Variants in KLHL14 observed in about 807,000 individuals in gnomAD.
KLHL14 encodes the protein kelch like family member 14, also known as kelch-like protein 14.
Under a neutral mutation model 64.3 loss-of-function variants are expected in KLHL14, and 22 were observed. The ratio of observed to expected loss-of-function variants is 0.34; its 90% CI spans 0.24 to 0.49. The LOEUF (loss-of-function observed/expected upper bound fraction) is 0.49, where lower values mean the gene tolerates loss of function less well. Ranked by LOEUF, KLHL14 falls within the 20% of genes least tolerant of loss-of-function variation. The pLI is 0.99. For synonymous variants in KLHL14, 322 were observed against 333.4 expected (o/e 0.97, Z 0.37); for missense variants, 661 against 789.0 (o/e 0.84, Z 1.94).
intron 2 of KLHL14, among the ~76,000 whole-genome samples, chr18:32,766,389 T>C (rs1359573489): frequency 1.3e-5 from 2 of 152,068 alleles, no homozygotes; most frequent in Non-Finnish European, 2.9e-5. Context: ...TTTATGAAAC[T>C]AAATTTTCAT....
chr18:32,730,045 C>G (rs566267750), intron 3 of KLHL14, among the ~76,000 whole-genome samples: 15 of 152,302 alleles, frequency 9.8e-5, no homozygotes, highest in African/African-American at 3.1e-4. Flanking sequence ...ATCTTAAAGT[C>G]ATGTATATCA....
chr18:32,768,059 T>C (rs2050355826), intron 2 of KLHL14, among the ~76,000 whole-genome samples: 1 of 152,226 alleles, frequency 6.6e-6, no homozygotes, highest in African/African-American at 2.4e-5. Flanking sequence ...GAGTTTGCCA[T>C]TTGGATCTTT....
chr18:32,699,682 G>C (rs2049954529), intron 3 of KLHL14, among the ~76,000 whole-genome samples: 1 of 152,098 alleles, frequency 6.6e-6, no homozygotes, highest in Non-Finnish European at 1.5e-5. Context: ...GAGTTCCTGA[G>C]TGTTCAGTGA....
rs1274772143 is a variant in KLHL14, at chr18:32,683,312, A to G, written c.1239-2713T>C. Among the ~76,000 whole-genome samples, 1 of 152,172 alleles carries G rather than the reference A, an allele frequency of 6.6e-6. No individual in the cohort carries two copies. Among genetic ancestry groups the G allele is most frequent in the African/African-American group, 2.4e-5 (1 of 41,444 alleles). ...GATTTCACTTCCTGATGACAAGTGC[A>G]TTTTTAGGTAGAAATTCCAATAGTA... On this transcript the variant is annotated intron_variant, in intron 5 of 8. Coordinates refer to ENST00000359358, the MANE Select transcript of KLHL14 (RefSeq NM_020805.3). This position sits in a 1 kb window ranked among gnomAD's most constrained non-coding sequence, Gnocchi z 4.2.
chr18:32,678,039 C>T (rs2049819875), intron 7 of KLHL14, among the ~76,000 whole-genome samples: 1 of 152,030 alleles, frequency 6.6e-6, no homozygotes, highest in South Asian at 2.1e-4. Flanking sequence ...CTAGTATTTA[C>T]CAAGAATCAA....
chr18:32,768,390 G>GACACACAC lies in KLHL14; in HGVS notation c.947+1247_947+1254dup, dbSNP rs10567081. Among the ~76,000 whole-genome samples the GACACACAC allele has an allele frequency of 5.3e-3, 750 of 141,662 alleles. 4 individuals carry two copies. Among genetic ancestry groups the GACACACAC allele is most frequent in the Middle Eastern group, 0.017 (5 of 286 alleles). 92.9% of individuals were successfully genotyped at this position (141,662 alleles called of 152,430 possible). ...TACCTAGGTCTGGTGGAAACATAAT[G>GACACACAC]ACACACACACACACACACACACACA... On this transcript the variant is annotated intron_variant, in intron 2 of 8. Transcript: ENST00000359358.
intron 2 of KLHL14, among the ~76,000 whole-genome samples, chr18:32,756,864 A>G (rs1477307451): frequency 9.2e-5 from 14 of 152,220 alleles, no homozygotes; most frequent in Non-Finnish European, 2.1e-4. Flanking sequence ...GATATCTTCT[A>G]AAGACAAAAA....
chr18:32,705,523 G>A (rs962781616), intron 3 of KLHL14, among the ~76,000 whole-genome samples: 1 of 152,160 alleles, frequency 6.6e-6, no homozygotes, highest in African/African-American at 2.4e-5. Flanking sequence ...ACGAGTTTGA[G>A]ACCAGCCTGG....
At chr18:32,758,338 T>C (rs2050293995) in intron 2 of KLHL14, among the ~76,000 whole-genome samples, 1 of 152,136 alleles carries the variant, frequency 6.6e-6, no homozygotes, top group African/African-American at 2.4e-5. Context: ...GAAAAGATGC[T>C]CAACATGATT....
chr18:32,687,016 G>A, intron 5 of KLHL14, 139 bp downstream of exon 5: 1 of 662,938 alleles, frequency 1.5e-6, no homozygotes, highest in Non-Finnish European at 2.7e-6. Context: ...ATGTAAACTG[G>A]CTAGGCCAAG....
At chr18:32,682,748 A>G (rs895652298) in intron 5 of KLHL14, among the ~76,000 whole-genome samples, 3 of 152,216 alleles carry the variant, frequency 2.0e-5, no homozygotes, top group Non-Finnish European at 4.4e-5. Context: ...TTCTACTAGT[A>G]CATTTACCTT....
At chr18:32,698,383 A>C (rs2049946836) in intron 3 of KLHL14, among the ~76,000 whole-genome samples, 1 of 152,148 alleles carries the variant, frequency 6.6e-6, no homozygotes, top group African/African-American at 2.4e-5. Flanking sequence ...GGGAAAGAGA[A>C]GCTAATCAGG....
At chr18:32,769,571 C>CT in intron 2 of KLHL14, 74 bp downstream of exon 2, 25 of 618,760 alleles carry the variant, frequency 4.0e-5, no homozygotes, top group South Asian at 1.2e-4. Context: ...TCCCTCCTCC[C>CT]TGCCCCCTCC....
At chr18:32,750,960 T>C (rs1318063656) in intron 2 of KLHL14, among the ~76,000 whole-genome samples, 1 of 152,194 alleles carries the variant, frequency 6.6e-6, no homozygotes, top group Non-Finnish European at 1.5e-5. Context: ...TATTATAACC[T>C]CTCTTTCCTT....
intron 2 of KLHL14, among the ~76,000 whole-genome samples, chr18:32,756,875 C>G (rs2050284862): frequency 6.6e-6 from 1 of 152,186 alleles, no homozygotes; most frequent in Non-Finnish European, 1.5e-5. Flanking sequence ...AAGACAAAAA[C>G]ATGTGACTAA....
Position 32,769,916 on chromosome 18 carries a change from C to T in KLHL14, c.676G>A (p.Asp226Asn), listed in dbSNP as rs1265750059. 1.2e-6 allele frequency: 2 copies of T among 1,614,024 alleles called. No homozygotes were observed. Among genetic ancestry groups the T allele is most frequent in the Non-Finnish European group, 1.7e-6 (2 of 1,180,046 alleles). Residue 226 changes from aspartate (D) to asparagine (N), a missense_variant, in exon 2 of 9, where the codon GAC becomes AAC. Transcript: ENST00000359358. ...GACTCCACGGGGGGCGGCAGCGAGTCCAGCAGGGCGCGCATCTCCTCGAAG... is the reference window on the plus strand; with the variant it reads ...GACTCCACGGGGGGCGGCAGCGAGTTCAGCAGGGCGCGCATCTCCTCGAAG... ...LNFEEMRALL[D>N]SLPPPVESEL... is the part of the protein sequence containing the mutation.
At chr18:32,694,880 C>T (rs749782765) in intron 4 of KLHL14, among the ~76,000 whole-genome samples, 1 of 152,052 alleles carries the variant, frequency 6.6e-6, no homozygotes, top group African/African-American at 2.4e-5. Flanking sequence ...TTGGGACGTG[C>T]GTTAAAATGT....
At chr18:32,679,001 G>A (rs142891593) in intron 7 of KLHL14, among the ~76,000 whole-genome samples, 2 of 152,118 alleles carry the variant, frequency 1.3e-5, no homozygotes, top group East Asian at 3.9e-4. Flanking sequence ...AAAACATGTC[G>A]ACGTAAAGGA....
At chr18:32,756,016 G>A (rs913457062) in intron 2 of KLHL14, among the ~76,000 whole-genome samples, 1 of 152,116 alleles carries the variant, frequency 6.6e-6, no homozygotes, top group African/African-American at 2.4e-5. Context: ...CTAATTTTGT[G>A]TCTTAAACGT....
Sources: allele counts gnomAD v4.1 joint callset (sites outside exome capture counted in the v4.1 genomes callset), GRCh38; gene constraint gnomAD v4.1.1; non-coding constraint Gnocchi (gnomAD v3.1); transcripts MANE v1.5; gene names NCBI Gene and HGNC (gene_info 2026-07-23, HGNC 2026-07-21).